RTL4: variants seen among roughly 807,000 people sequenced by gnomAD.
RTL4 encodes the protein retrotransposon Gag-like protein 4.
Under a neutral mutation model 5.3 loss-of-function variants are expected in RTL4, and 4 were observed. That is an observed-to-expected ratio of 0.75 (90% CI 0.37 to 1.72). The LOEUF is 1.72. RTL4 is among the 40% of genes most tolerant of loss of function. The pLI, the probability that RTL4 is intolerant of heterozygous loss-of-function variation, is 0.04. For synonymous variants in RTL4, 98 were observed against 87.3 expected (o/e 1.12, Z -0.68); for missense variants, 260 against 227.1 (o/e 1.14, Z -0.93).
At chrX:112,337,020 G>A in the RTL4 span, among the ~76,000 whole-genome samples, 19 of 111,729 alleles carry the variant, frequency 1.7e-4, no homozygotes, top group Non-Finnish European at 2.8e-4. Context: ...ATTTAAAAAT[G>A]TAAAAAAATT....
chrX:112,138,057 A>T, the RTL4 span, among the ~76,000 whole-genome samples: 1 of 112,554 alleles, frequency 8.9e-6, no homozygotes, highest in African/African-American at 3.2e-5. Flanking sequence ...AATACTATTC[A>T]GCCTTAAAAA....
chrX:112,177,086 C>T, the RTL4 span, among the ~76,000 whole-genome samples: 1 of 109,692 alleles, frequency 9.1e-6, no homozygotes, highest in African/African-American at 3.3e-5. Context: ...CAAAAAGTGT[C>T]TGTTGATGGA....
At chrX:112,439,721 T>G in the RTL4 span, among the ~76,000 whole-genome samples, 1 of 111,427 alleles carries the variant, frequency 9.0e-6, no homozygotes. Context: ...GAGTGACTTC[T>G]TGCTCTGTTA....
At chrX:112,177,319 T>A in the RTL4 span, among the ~76,000 whole-genome samples, 1 of 111,523 alleles carries the variant, frequency 9.0e-6, no homozygotes, top group Non-Finnish European at 1.9e-5. Flanking sequence ...CCCTTTTCTC[T>A]GCATCCTTTC....
chrX:112,309,443 G>A, the RTL4 span, among the ~76,000 whole-genome samples: 2 of 110,806 alleles, frequency 1.8e-5, no homozygotes, highest in Non-Finnish European at 3.8e-5. Context: ...TTGGAAGGGG[G>A]TACAATTCAG....
the RTL4 span, among the ~76,000 whole-genome samples, chrX:112,257,060 C>A: frequency 9.0e-6 from 1 of 111,658 alleles, no homozygotes; most frequent in African/African-American, 3.2e-5. Flanking sequence ...ACTTATTCTT[C>A]ACTTTAATGC....
At chrX:112,448,520 A>C in the RTL4 span, among the ~76,000 whole-genome samples, 2 of 111,522 alleles carry the variant, frequency 1.8e-5, no homozygotes, top group African/African-American at 6.5e-5. Context: ...CAAGTTATAG[A>C]ATCTATGGGT....
chrX:112,282,182 A>C, the RTL4 span, among the ~76,000 whole-genome samples: 1 of 112,181 alleles, frequency 8.9e-6, no homozygotes, highest in Non-Finnish European at 1.9e-5. Context: ...ACAAGAGTGT[A>C]ATTTCATTCT....
chrX:112,288,198 A>C, the RTL4 span, among the ~76,000 whole-genome samples: 7 of 112,321 alleles, frequency 6.2e-5, no homozygotes, highest in Non-Finnish European at 1.1e-4. Context: ...AGTATTGTGA[A>C]TAGTTTCCCA....
At chrX:112,304,409 G>T in the RTL4 span, among the ~76,000 whole-genome samples, 1 of 110,851 alleles carries the variant, frequency 9.0e-6, no homozygotes, top group Non-Finnish European at 1.9e-5. Flanking sequence ...GTGTTGATAA[G>T]CACCTGAATG....
At chrX:112,440,662 A>C in the RTL4 span, among the ~76,000 whole-genome samples, 1 of 111,790 alleles carries the variant, frequency 8.9e-6, no homozygotes, top group African/African-American at 3.2e-5. Context: ...GTTAGTCCTC[A>C]TCTGTTGCCC....
At chrX:112,083,272 C>T in the RTL4 span, among the ~76,000 whole-genome samples, 1 of 112,740 alleles carries the variant, frequency 8.9e-6, no homozygotes, top group Admixed American at 9.3e-5. Flanking sequence ...TCTCTCTTTG[C>T]CCCTTGGCCT....
chrX:112,307,960 G>GA, the RTL4 span, among the ~76,000 whole-genome samples: 1 of 111,618 alleles, frequency 9.0e-6, no homozygotes, highest in Admixed American at 9.7e-5. Context: ...CCATTTGATA[G>GA]ATGAGGAAAC....
exon 1 of RTL4, chrX:112,455,775 A>T: frequency 1.4e-6 from 1 of 695,100 alleles, no homozygotes; most frequent in Non-Finnish European, 2.1e-6. Flanking sequence ...ATAGGCAGTT[A>T]TGAACTGACA....
At chrX:112,118,776 G>T in the RTL4 span, among the ~76,000 whole-genome samples, 1 of 111,964 alleles carries the variant, frequency 8.9e-6, no homozygotes, top group South Asian at 3.7e-4. Flanking sequence ...TGTTTATGAT[G>T]AGATTATAGA....
the RTL4 span, among the ~76,000 whole-genome samples, chrX:112,277,723 C>T: frequency 9.0e-6 from 1 of 111,686 alleles, no homozygotes; most frequent in Non-Finnish European, 1.9e-5. Context: ...CAGGCAGCTG[C>T]CCCCTCTACC....
chrX:112,431,388 C>A, the RTL4 span, among the ~76,000 whole-genome samples: 20 of 112,093 alleles, frequency 1.8e-4, no homozygotes, highest in Non-Finnish European at 3.4e-4. Flanking sequence ...CTGTGAGGAC[C>A]TAGTAGAGCT....
the RTL4 span, among the ~76,000 whole-genome samples, chrX:112,165,558 G>C: frequency 9.0e-6 from 1 of 111,507 alleles, no homozygotes; most frequent in African/African-American, 3.3e-5. Flanking sequence ...CTTATCCCCT[G>C]CAGACAGAGT....
the RTL4 span, among the ~76,000 whole-genome samples, chrX:112,409,736 T>A: frequency 2.2e-5 from 2 of 92,573 alleles, no homozygotes; most frequent in African/African-American, 7.9e-5. Flanking sequence ...AAAAAAAAAA[T>A]TAAAAGCAAT....
Sources: allele counts gnomAD v4.1 joint callset (sites outside exome capture counted in the v4.1 genomes callset), GRCh38; gene constraint gnomAD v4.1.1; transcripts MANE v1.5; gene names NCBI Gene and HGNC (gene_info 2026-07-23, HGNC 2026-07-21).